Variants in VAT1L observed in about 807,000 individuals in gnomAD.
VAT1L encodes putative NADPH-dependent quinone oxidoreductase VAT1L.
A neutral mutation model predicts 44.1 loss-of-function variants in VAT1L; 34 were observed. The ratio of observed to expected loss-of-function variants is 0.77; its 90% CI spans 0.59 to 1.03. VAT1L has a LOEUF of 1.03. VAT1L is among the 50% of genes least tolerant of loss of function. VAT1L has a pLI of 0.00. For missense variants in VAT1L, 615 were observed against 538.8 expected (o/e 1.14, Z -1.40); for synonymous variants, 253 against 202.2 (o/e 1.25, Z -2.13).
At chr16:77,846,207 T>C (rs1490201296) in intron 3 of VAT1L, among the ~76,000 whole-genome samples, 3 of 152,210 alleles carry the variant, frequency 2.0e-5, no homozygotes, top group African/African-American at 7.2e-5. Flanking sequence ...GTCATCAACA[T>C]GTGAGCTACA....
chr16:77,937,212 G>A (rs1245350022), intron 7 of VAT1L, among the ~76,000 whole-genome samples: 1 of 152,158 alleles, frequency 6.6e-6, no homozygotes, highest in East Asian at 1.9e-4. Context: ...CCACCTGGGA[G>A]TAGCCCCAGC....
chr16:77,826,115 G>A (rs1251654063), intron 3 of VAT1L, among the ~76,000 whole-genome samples: 6 of 127,884 alleles, frequency 4.7e-5, no homozygotes, highest in Admixed American at 1.6e-4. Flanking sequence ...GCTGAGGCAG[G>A]AGAATGGCGT....
chr16:77,962,817 A>T (rs1275332349), intron 7 of VAT1L, among the ~76,000 whole-genome samples: 3 of 152,110 alleles, frequency 2.0e-5, no homozygotes, highest in Non-Finnish European at 4.4e-5. Context: ...ATGGTGGCTC[A>T]TGCCTGCAGT....
intron 4 of VAT1L, among the ~76,000 whole-genome samples, chr16:77,871,219 T>C (rs1485466193): frequency 6.6e-6 from 1 of 150,880 alleles, no homozygotes; most frequent in Non-Finnish European, 1.5e-5. Context: ...AGAATCCACC[T>C]CCCCTACCTC....
intron 7 of VAT1L, among the ~76,000 whole-genome samples, chr16:77,946,911 C>T (rs2017974743): frequency 6.6e-6 from 1 of 152,192 alleles, no homozygotes; most frequent in Admixed American, 6.5e-5. Flanking sequence ...CCCTAGTTGG[C>T]CTCTGAGCAG....
chr16:77,838,037 C>A (rs987050472), intron 3 of VAT1L, among the ~76,000 whole-genome samples: 1 of 152,178 alleles, frequency 6.6e-6, no homozygotes, highest in African/African-American at 2.4e-5. Flanking sequence ...CCCTGACAGC[C>A]GCTGCTCCAT....
intron 7 of VAT1L, among the ~76,000 whole-genome samples, chr16:77,950,093 T>A (rs2018023251): frequency 6.6e-6 from 1 of 152,206 alleles, no homozygotes; most frequent in Non-Finnish European, 1.5e-5. Flanking sequence ...GAACATGTGC[T>A]CATTGTGTTC....
At chr16:77,977,133 C>T (rs917563092) in intron 8 of VAT1L, among the ~76,000 whole-genome samples, 7 of 152,242 alleles carry the variant, frequency 4.6e-5, no homozygotes, top group Admixed American at 3.3e-4. Flanking sequence ...TTGAGTTTTG[C>T]ACAGAAACTG....
intron 7 of VAT1L, among the ~76,000 whole-genome samples, chr16:77,895,929 T>C (rs451988): frequency 0.9 from 136,836 of 152,112 alleles, 62,025 homozygotes; most frequent in Non-Finnish European, 0.95. Flanking sequence ...GGAAGAGAGC[T>C]GGGCAGGGCT....
At position 77,977,903 on chromosome 16, in the gene VAT1L, T is replaced by G. The variant is rs1002377507; in HGVS notation, c.*208T>G. On this transcript the variant is annotated 3_prime_UTR_variant, in exon 9 of 9. Coordinates refer to ENST00000302536, the MANE Select transcript of VAT1L (RefSeq NM_020927.3). ...CAGTATTATGTCCCTCTCCTATCTG[T>G]GTATTACACATTCCCCTCTCCCCTG... 1.9e-6 allele frequency: 1 copy of G among 538,608 alleles called. No homozygotes were observed. Among genetic ancestry groups the G allele is most frequent in the Non-Finnish European group, 3.4e-6 (1 of 296,454 alleles). The allele number at this position is 538,608 out of a possible 1,614,324, so 33.4% of individuals were successfully genotyped here.
Position 77,788,651 on chromosome 16 carries a change from C to T in VAT1L, c.-32C>T, listed in dbSNP as rs1013991744. The T allele has an allele frequency of 1.3e-6, 2 of 1,545,446 alleles. No homozygotes were observed. Among genetic ancestry groups the T allele is most frequent in the African/African-American group, 1.4e-5 (1 of 72,682 alleles). On this transcript the variant is annotated 5_prime_UTR_variant, in exon 1 of 9. Transcript: ENST00000302536. ...CCAGCGCCGCAGCCACCGCAGCCAC[C>T]GCAGCCCGTGCGCCCCGCGCCCTCG... is the stretch of plus-strand genomic sequence containing the variant.
chr16:77,919,128 G>GTGTGTGTGCATGTGTGTGCATGCA (rs2017583730), intron 7 of VAT1L, among the ~76,000 whole-genome samples: 1 of 152,198 alleles, frequency 6.6e-6, no homozygotes, highest in African/African-American at 2.4e-5. Flanking sequence ...TTGAGGGTGT[G>GTGTGTGTGCATGTGTGTGCATGCA]TGTGTGTGCA....
chr16:77,813,153 G>GT (rs1326891571), intron 1 of VAT1L, among the ~76,000 whole-genome samples: 1 of 151,792 alleles, frequency 6.6e-6, no homozygotes, highest in Non-Finnish European at 1.5e-5. Flanking sequence ...ACATGCCCCT[G>GT]TTTTTTTATT....
intron 3 of VAT1L, among the ~76,000 whole-genome samples, chr16:77,862,397 C>T (rs921877564): frequency 3.9e-5 from 6 of 151,942 alleles, no homozygotes; most frequent in African/African-American, 1.5e-4. Context: ...GGTGGATTAC[C>T]TGAGCTCAGG....
At chr16:77,801,341 TAC>T (rs1327226521) in intron 1 of VAT1L, 1 of 152,214 alleles carries the variant, frequency 6.6e-6, no homozygotes, top group Non-Finnish European at 1.5e-5. Flanking sequence ...TGTTTTGTCC[TAC>T]ACAGGAGATT....
At chr16:77,809,420 T>C (rs2016224683) in intron 1 of VAT1L, among the ~76,000 whole-genome samples, 1 of 151,862 alleles carries the variant, frequency 6.6e-6, no homozygotes, top group Admixed American at 6.6e-5. Flanking sequence ...CAAAGCCCTA[T>C]AGGACAGCCC....
At position 77,884,730 on chromosome 16, in the gene VAT1L, G is replaced by A. The variant is rs537264868; in HGVS notation, c.1005G>A (p.Val335=). Residue 335 remains valine, a synonymous_variant, in exon 7 of 9, where the codon GTG becomes GTA. Coordinates refer to ENST00000302536, the MANE Select transcript of VAT1L (RefSeq NM_020927.3). The surrounding 1 kb of genome is among the most constrained non-coding windows in gnomAD (Gnocchi z 4.5). The part of the protein sequence containing the change: ...QGRAGLIRGV[V]EKLIGLYNQK... ...GGGCGGGCCTCATTCGGGGAGTGGT[G>A]GAAAAACTCATAGGGCTCTACAACC... 4.9e-5 allele frequency: 79 copies of A among 1,604,182 alleles called. No homozygotes were observed. The highest frequency in any genetic ancestry group is 2.9e-4 in the South Asian group (26 of 89,132).
chr16:77,974,886 C>T (rs1344088888), intron 8 of VAT1L, among the ~76,000 whole-genome samples: 1 of 151,986 alleles, frequency 6.6e-6, no homozygotes, highest in African/African-American at 2.4e-5. Context: ...AGGCTTTTAT[C>T]CCTGGGACCT....
At chr16:77,960,265 C>T (rs1211570945) in intron 7 of VAT1L, among the ~76,000 whole-genome samples, 1 of 152,098 alleles carries the variant, frequency 6.6e-6, no homozygotes, top group Non-Finnish European at 1.5e-5. Flanking sequence ...AGTTAGTACA[C>T]ACTCAGTGTA....
Sources: gnomAD v4.1 joint callset for allele counts (sites outside exome capture counted in the v4.1 genomes callset) on GRCh38, gnomAD v4.1.1 for gene constraint, Gnocchi (gnomAD v3.1) non-coding constraint, MANE v1.5 for transcripts, NCBI Gene and HGNC (gene_info 2026-07-23, HGNC 2026-07-21) for gene names.